The following CD8B2 variants were observed in gnomAD, a reference collection of about 807,000 sequenced individuals.
CD8B2 encodes CD8B family member 2.
Under a neutral mutation model 23.7 loss-of-function variants are expected in CD8B2, and 11 were observed. That is an observed-to-expected ratio of 0.46 (90% confidence interval 0.29 to 0.77). The LOEUF is 0.77. CD8B2 is among the 30% of genes least tolerant of loss of function. The pLI, the probability that CD8B2 is intolerant of heterozygous loss-of-function variation, is 0.09. For synonymous variants in CD8B2, 90 were observed against 109.3 expected (o/e 0.82, Z 1.10); for missense variants, 197 against 270.5 (o/e 0.73, Z 1.91).
chr2:106,516,782 C>A (rs1233376956), intron 5 of CD8B2, among the ~76,000 whole-genome samples: 1 of 151,974 alleles, frequency 6.6e-6, no homozygotes, highest in Non-Finnish European at 1.5e-5. Flanking sequence ...TTTTAAATAA[C>A]ATGAAATTTA....
chr2:106,525,742 C>T (rs1490104889), intron 5 of CD8B2, among the ~76,000 whole-genome samples: 1 of 152,080 alleles, frequency 6.6e-6, no homozygotes, highest in Admixed American at 6.6e-5. Flanking sequence ...TTGTGACTGG[C>T]TTTTCATTTA....
intron 4 of CD8B2, among the ~76,000 whole-genome samples, chr2:106,503,691 T>G (rs189552757): frequency 2.3e-5 from 2 of 88,802 alleles, no homozygotes; most frequent in African/African-American, 8.2e-5. Context: ...TGCCCGTACT[T>G]GAGAGGCTGA....
chr2:106,510,558 G>A lies in CD8B2; in HGVS notation c.*3618G>A, dbSNP rs1461908208. On this transcript the variant is annotated 3_prime_UTR_variant, in exon 6 of 6. Transcript: ENST00000643224. ...AGCCTAGGCAACATAGCAAGACCTC[G>A]ACTCTACAAAAAATTTTTAAATTTT... is the stretch of plus-strand genomic sequence containing the variant. The A allele has an allele frequency of 2.6e-5, 4 of 151,978 alleles. No homozygotes were observed. Among genetic ancestry groups the A allele is most frequent in the Admixed American group, 6.6e-5 (1 of 15,256 alleles). The allele number at this position is 151,978 out of a possible 1,614,324, so 9.4% of individuals were successfully genotyped here.
Position 106,507,086 on chromosome 2 carries a change from T to C in CD8B2, c.*146T>C. ...CCTGCTTTTCACTGCTGCAAGGCCT[T>C]TCTGTGTGTGACGTGCATGGGAGCA... On this transcript the variant is annotated 3_prime_UTR_variant, in exon 6 of 6. Coordinates refer to ENST00000643224, the MANE Select transcript of CD8B2 (RefSeq NM_001349727.2). 6.6e-7 allele frequency: 1 copy of C among 1,515,090 alleles called. No homozygotes were observed. Among genetic ancestry groups the C allele is most frequent in the South Asian group, 1.4e-5 (1 of 73,458 alleles). The allele number at this position is 1,515,090 out of a possible 1,614,324, so 93.9% of individuals were successfully genotyped here.
downstream of CD8B2, among the ~76,000 whole-genome samples, chr2:106,513,123 G>A (rs186621971): frequency 0.055 from 7,606 of 138,438 alleles, 278 homozygotes; most frequent in Admixed American, 0.11. Flanking sequence ...CCACCCATCC[G>A]CCCACCCACC....
downstream of CD8B2, among the ~76,000 whole-genome samples, chr2:106,514,061 G>A (rs1333578990): frequency 2.0e-5 from 3 of 148,612 alleles, no homozygotes; most frequent in Admixed American, 1.3e-4. Context: ...TGAAGGAGGA[G>A]AGAAGAAAGG....
chr2:106,531,452 A>G (rs1679988446), intron 5 of CD8B2, among the ~76,000 whole-genome samples: 1 of 152,122 alleles, frequency 6.6e-6, no homozygotes, highest in African/African-American at 2.4e-5. Flanking sequence ...TCTGTCCTCT[A>G]TCACACGAGT....
In CD8B2 at chr2:106,487,487, G is replaced by C. The variant is rs1368454336; in HGVS notation, c.43+18G>C. 5 of 1,238,898 alleles carry C rather than the reference G, an allele frequency of 4.0e-6. No homozygotes were observed. Among genetic ancestry groups the C allele is most frequent in the East Asian group, 3.2e-5 (1 of 31,648 alleles). 76.7% of individuals were successfully genotyped at this position (1,238,898 alleles called of 1,614,324 possible). A position where few individuals can be genotyped will look rare whatever the true frequency, so the allele number is the denominator to read the frequency against. ...GCTGACAGGTAAGGCGGCGGCGCGCGGGCTGCCCAAGGTCTGCGCTCCCGG... is the reference window on the plus strand; with the variant it reads ...GCTGACAGGTAAGGCGGCGGCGCGCCGGCTGCCCAAGGTCTGCGCTCCCGG... On this transcript the variant is annotated intron_variant, in intron 1 of 5. Coordinates refer to ENST00000643224, the MANE Select transcript of CD8B2 (RefSeq NM_001349727.2).
At chr2:106,524,834 TG>T (rs1230026384) in intron 5 of CD8B2, among the ~76,000 whole-genome samples, 1 of 152,116 alleles carries the variant, frequency 6.6e-6, no homozygotes, top group East Asian at 1.9e-4. Context: ...GGGAATCCCC[TG>T]GAAAACTGGG....
Position 106,487,431 on chromosome 2 carries a change from G to C in CD8B2, c.5G>C (p.Arg2Pro). 1 of 1,246,558 alleles carries C rather than the reference G, an allele frequency of 8.0e-7. No homozygotes were observed. The highest frequency in any genetic ancestry group is 1.0e-6 in the Non-Finnish European group (1 of 996,794). The allele number at this position is 1,246,558 out of a possible 1,614,324, so 77.2% of individuals were successfully genotyped here. M[R>P]PRLWLLLAAQ... Reference sequence around the variant, plus strand: ...AGGTGTCCCGGGCGCGCCCCGATGCGGCCGCGGCTGTGGCTCCTCCTGGCC... The same window carrying C: ...AGGTGTCCCGGGCGCGCCCCGATGCCGCCGCGGCTGTGGCTCCTCCTGGCC... Residue 2 changes from arginine (R) to proline (P), a missense_variant, in exon 1 of 6, where the codon CGG (arginine) becomes CCG (proline). Physicochemically the swap from Arg to Pro is moderately radical, Grantham distance 103. Coordinates refer to ENST00000643224, the MANE Select transcript of CD8B2 (RefSeq NM_001349727.2).
chr2:106,498,651 G>A (rs1266355485), intron 3 of CD8B2, among the ~76,000 whole-genome samples: 1 of 152,140 alleles, frequency 6.6e-6, no homozygotes, highest in African/African-American at 2.4e-5. Context: ...AAGTCAGTCA[G>A]GCCTAGGTCT....
intron 5 of CD8B2, chr2:106,537,908 C>G (rs576948044): frequency 1.3e-5 from 2 of 152,172 alleles, no homozygotes; most frequent in Non-Finnish European, 2.9e-5. Context: ...TCAGGCACCT[C>G]GCTTTGGAAA....
chr2:106,542,995 G>C (rs1481052529), intron 5 of CD8B2: 1 of 152,222 alleles, frequency 6.6e-6, no homozygotes, highest in East Asian at 1.9e-4. Context: ...AGGTCCGGGA[G>C]GTTCGCGTTA....
At position 106,507,746 on chromosome 2, in the gene CD8B2, A is replaced by C. The variant is rs1209985617; in HGVS notation, c.*806A>C. 2 of 589,486 alleles carry C rather than the reference A, an allele frequency of 3.4e-6. No homozygotes were observed. Among genetic ancestry groups the C allele is most frequent in the African/African-American group, 2.0e-5 (1 of 49,902 alleles). 36.5% of individuals were successfully genotyped at this position (589,486 alleles called of 1,614,324 possible). ...CAGTGGAACAGAAACCAGAAGGAGA[A>C]AATTTGTACATCCTCCTTTTGCACC... On this transcript the variant is annotated 3_prime_UTR_variant, in exon 6 of 6. Coordinates refer to ENST00000643224, the MANE Select transcript of CD8B2 (RefSeq NM_001349727.2).
At chr2:106,495,099 A>G (rs1679272557) in intron 2 of CD8B2, among the ~76,000 whole-genome samples, 1 of 151,898 alleles carries the variant, frequency 6.6e-6, no homozygotes, top group Non-Finnish European at 1.5e-5. Context: ...ATCTACTGAA[A>G]CTTTTTTTGG....
chr2:106,525,406 T>C (rs1048637531), intron 5 of CD8B2, among the ~76,000 whole-genome samples: 3 of 152,226 alleles, frequency 2.0e-5, no homozygotes, highest in Non-Finnish European at 1.5e-5. Context: ...ACCCTATCTA[T>C]CATAACTTGG....
At chr2:106,518,755 T>C (rs1222325279) in intron 5 of CD8B2, among the ~76,000 whole-genome samples, 1 of 151,930 alleles carries the variant, frequency 6.6e-6, no homozygotes, top group East Asian at 1.9e-4. Context: ...TCCCTCCGTC[T>C]ATCATCCACC....
chr2:106,497,900 T>A (rs1004217455), intron 3 of CD8B2, among the ~76,000 whole-genome samples: 2 of 152,138 alleles, frequency 1.3e-5, no homozygotes, highest in Admixed American at 1.3e-4. Context: ...GCTATGGCTG[T>A]GGAGAACCCA....
chr2:106,496,821 A>T (rs1679309086), intron 3 of CD8B2, among the ~76,000 whole-genome samples: 1 of 151,966 alleles, frequency 6.6e-6, no homozygotes, highest in African/African-American at 2.4e-5. Context: ...GGGAATTTAA[A>T]TGTTCTGAAA....
Sources: gnomAD v4.1 joint callset for allele counts (sites outside exome capture counted in the v4.1 genomes callset) on GRCh38, gnomAD v4.1.1 for gene constraint, MANE v1.5 for transcripts, NCBI Gene and HGNC (gene_info 2026-07-23, HGNC 2026-07-21) for gene names.